SIL1: variants seen among roughly 807,000 people sequenced by gnomAD.
SIL1 encodes the protein nucleotide exchange factor SIL1.
A neutral mutation model predicts 49.1 loss-of-function variants in SIL1; 40 were observed. The ratio of observed to expected loss-of-function variants is 0.81; its 90% CI spans 0.63 to 1.06. SIL1 has a LOEUF of 1.06. Ranked by LOEUF, SIL1 falls within the 50% of genes least tolerant of loss-of-function variation. The probability of loss-of-function intolerance (pLI) is 0.00; values close to 1 mark genes in which losing one functional copy is unlikely to be tolerated. For missense variants in SIL1, 500 were observed against 572.6 expected (o/e 0.87, Z 1.29); for synonymous variants, 253 against 250.8 (o/e 1.01, Z -0.08).
chr5:139,072,334 AAT>A (rs1405267176), intron 3 of SIL1, among the ~76,000 whole-genome samples: 2 of 152,234 alleles, frequency 1.3e-5, no homozygotes, highest in African/African-American at 2.4e-5. Flanking sequence ...CATCCTGCGA[AAT>A]AGAGATGAAT....
At chr5:138,987,699 C>G (rs1581008799) in intron 7 of SIL1, among the ~76,000 whole-genome samples, 1 of 152,216 alleles carries the variant, frequency 6.6e-6, no homozygotes, top group African/African-American at 2.4e-5. Context: ...CTACACCCAT[C>G]TCATCCCCTA....
At chr5:139,190,592 C>A (rs1392650006) in intron 1 of SIL1, among the ~76,000 whole-genome samples, 1 of 152,202 alleles carries the variant, frequency 6.6e-6, no homozygotes, top group East Asian at 1.9e-4. Context: ...TAGAGTCCCA[C>A]TATTATGTGG....
At chr5:139,029,775 A>G (rs1441322464) in intron 5 of SIL1, among the ~76,000 whole-genome samples, 1 of 151,802 alleles carries the variant, frequency 6.6e-6, no homozygotes. Context: ...CTGAGATTAC[A>G]GATGTGGGCC....
At position 138,995,737 on chromosome 5, in the gene SIL1, T is replaced by C. The variant is rs574465798; in HGVS notation, c.767+25434A>G. 6.0e-4 allele frequency among the ~76,000 whole-genome samples: 92 copies of C among 152,354 alleles called. 3 individuals carry two copies. In the South Asian group the frequency reaches 0.019, roughly 31 times the overall value. ...TCTTTCCCCTACTTTTCCTAGTCTC[T>C]GGTTACCACCAATCTACTCTTTATC... On this transcript the variant is annotated intron_variant, in intron 7 of 9. Coordinates refer to ENST00000394817, the MANE Select transcript of SIL1 (RefSeq NM_022464.5).
Position 139,033,374 on chromosome 5 carries a change from A to G in SIL1, c.454-6382T>C, listed in dbSNP as rs1768834401. On this transcript the variant is annotated intron_variant, in intron 5 of 9. Coordinates refer to ENST00000394817, the MANE Select transcript of SIL1 (RefSeq NM_022464.5). Reference sequence around the variant, plus strand: ...CTACTGTTTTCATGTTTTCAATTTCATTGATTTCTGCTCTTTATTTCCTTC... The same window carrying G: ...CTACTGTTTTCATGTTTTCAATTTCGTTGATTTCTGCTCTTTATTTCCTTC... Among the ~76,000 whole-genome samples, 4 of 151,448 alleles carry G rather than the reference A, an allele frequency of 2.6e-5. No individual in the cohort carries two copies. The South Asian group carries it at 8.3e-4, about 32-fold the overall frequency.
At chr5:139,143,336 C>T (rs1429883222) in intron 1 of SIL1, among the ~76,000 whole-genome samples, 2,864 of 80,292 alleles carry the variant, frequency 0.036, 69 homozygotes, top group Non-Finnish European at 0.049. Context: ...CACACACACA[C>T]ACACACACAT....
intron 7 of SIL1, among the ~76,000 whole-genome samples, chr5:138,986,922 G>A (rs953747363): frequency 1.3e-5 from 2 of 151,966 alleles, no homozygotes; most frequent in African/African-American, 4.8e-5. Flanking sequence ...CCTTGGAAAA[G>A]GGCAGCTTCT....
chr5:139,018,607 A>G (rs1167611025), intron 7 of SIL1, among the ~76,000 whole-genome samples: 2 of 151,808 alleles, frequency 1.3e-5, no homozygotes, highest in Non-Finnish European at 2.9e-5. Context: ...AAAAAAAAAA[A>G]AAAGGGTAGC....
chr5:139,060,863 C>T (rs527412763), intron 3 of SIL1, among the ~76,000 whole-genome samples: 109 of 152,142 alleles, frequency 7.2e-4, no homozygotes, highest in Non-Finnish European at 1.4e-3. Flanking sequence ...GGAAAATTAG[C>T]CTAGGAAGCC....
intron 1 of SIL1, among the ~76,000 whole-genome samples, chr5:139,193,943 G>C (rs1752220094): frequency 6.6e-6 from 1 of 152,150 alleles, no homozygotes; most frequent in Admixed American, 6.5e-5. Flanking sequence ...CATTCCTGAG[G>C]CAAGGCTGGC....
rs932201523 is a variant in SIL1 at position 139,099,876 on chromosome 5, C to T, written c.244+21159G>A. On this transcript the variant is annotated intron_variant, in intron 3 of 9. Coordinates refer to ENST00000394817, the MANE Select transcript of SIL1 (RefSeq NM_022464.5). ...AAGACCTACTTTTGATAGCACAACACGGTGACTGTAGTCAATAATAATCTA... is the reference window on the plus strand; with the variant it reads ...AAGACCTACTTTTGATAGCACAACATGGTGACTGTAGTCAATAATAATCTA... Among the ~76,000 whole-genome samples, 8 of 152,128 alleles carry T rather than the reference C, an allele frequency of 5.3e-5. No individual in the cohort carries two copies. In the East Asian group the frequency reaches 5.8e-4, roughly 11 times the overall value.
At chr5:139,126,028 C>T (rs1273944825) in intron 2 of SIL1, among the ~76,000 whole-genome samples, 1 of 152,196 alleles carries the variant, frequency 6.6e-6, no homozygotes, top group East Asian at 1.9e-4. Flanking sequence ...CTTACCTGGA[C>T]TCCAGGCTCT....
chr5:139,183,723 C>A (rs151033017), intron 1 of SIL1, among the ~76,000 whole-genome samples: 1 of 152,208 alleles, frequency 6.6e-6, no homozygotes, highest in Non-Finnish European at 1.5e-5. Context: ...GAAGAGGCCA[C>A]CCGGCAAAGG....
chr5:138,960,517 G>A (rs1766996831), intron 7 of SIL1, among the ~76,000 whole-genome samples: 1 of 147,384 alleles, frequency 6.8e-6, no homozygotes, highest in African/African-American at 2.5e-5. Context: ...CCACCTCCCA[G>A]AACTCAAGCT....
chr5:139,167,966 G>A (rs1751658012), intron 1 of SIL1, among the ~76,000 whole-genome samples: 1 of 152,154 alleles, frequency 6.6e-6, no homozygotes, highest in Non-Finnish European at 1.5e-5. Context: ...CCAGGCATGT[G>A]ACACCCGTGT....
At chr5:139,028,618 C>T (rs1451105558) in intron 5 of SIL1, among the ~76,000 whole-genome samples, 1 of 152,196 alleles carries the variant, frequency 6.6e-6, no homozygotes, top group East Asian at 1.9e-4. Flanking sequence ...ATGTACCCTT[C>T]ATCCAGCTTC....
intron 7 of SIL1, 169 bp downstream of exon 7, chr5:139,021,002 G>A: frequency 1.2e-6 from 1 of 852,948 alleles, no homozygotes; most frequent in Non-Finnish European, 1.9e-6. Flanking sequence ...GTGACAACAT[G>A]GGTAAAAATT....
chr5:139,037,508 C>T (rs1050357709), intron 5 of SIL1, among the ~76,000 whole-genome samples: 1 of 152,194 alleles, frequency 6.6e-6, no homozygotes, highest in Non-Finnish European at 1.5e-5. Context: ...TTCCACAGGT[C>T]CCTAAAGCTC....
chr5:139,170,065 C>G (rs975331842), intron 1 of SIL1, among the ~76,000 whole-genome samples: 16 of 152,228 alleles, frequency 1.1e-4, no homozygotes, highest in African/African-American at 3.9e-4. Flanking sequence ...GACGGGGTTT[C>G]GCTGTGTTGG....
Sources: gnomAD v4.1 joint callset for allele counts (sites outside exome capture counted in the v4.1 genomes callset) on GRCh38, gnomAD v4.1.1 for gene constraint, MANE v1.5 for transcripts, NCBI Gene and HGNC (gene_info 2026-07-23, HGNC 2026-07-21) for gene names.